The following TRIM55 variants were observed in gnomAD, a reference collection of about 807,000 sequenced individuals.
TRIM55 encodes the protein tripartite motif-containing protein 55.
TRIM55 carries 50 observed loss-of-function variants against 60.9 expected under a neutral mutation model. The ratio of observed to expected loss-of-function variants is 0.82; its 90% CI spans 0.65 to 1.04. The LOEUF is 1.04. Ranked by LOEUF, TRIM55 falls within the 50% of genes least tolerant of loss-of-function variation. TRIM55 has a pLI of 0.00. For missense variants in TRIM55, 681 were observed against 666.9 expected, an observed-to-expected ratio of 1.02 and a Z score of -0.23; for synonymous variants, 237 against 238.1, an observed-to-expected ratio of 1.00 and a Z score of 0.04.
intron 8 of TRIM55, 43 bp from the exon 9 acceptor site, chr8:66,154,000 CTTCT>C (rs746087599): frequency 1.2e-5 from 19 of 1,531,368 alleles, no homozygotes; most frequent in South Asian, 2.5e-5. Flanking sequence ...TCTTCTTCTT[CTTCT>C]TTTTTTTTTT....
chr8:66,122,498 G>A (rs955218796), upstream of TRIM55, among the ~76,000 whole-genome samples: 7 of 152,026 alleles, frequency 4.6e-5, no homozygotes, highest in Admixed American at 6.5e-5. Context: ...GGCACACGTC[G>A]TTAGAACCTC....
rs1180935272 is a variant in TRIM55 at position 66,147,794 on chromosome 8, C to CAA, written c.604-1829_604-1828dup. Among the ~76,000 whole-genome samples, 193 of 42,828 alleles carry CAA rather than the reference C, an allele frequency of 4.5e-3. 1 individual carries two copies. The highest frequency in any genetic ancestry group is 5.7e-3 in the Non-Finnish European group (110 of 19,454). The allele number at this position is 42,828 out of a possible 152,430, so 28.1% of individuals were successfully genotyped here. ...TGGGTGACAGAGCATGACTCCATCT[C>CAA]AAAAAAAAAAAAAAAAAAAAAAACC... On this transcript the variant is annotated intron_variant, in intron 4 of 9. Coordinates refer to ENST00000315962, the MANE Select transcript of TRIM55 (RefSeq NM_184085.2).
chr8:66,174,731 C>T lies in TRIM55; in HGVS notation c.*138C>T, dbSNP rs1054108. 1.1e-6 allele frequency: 1 copy of T among 877,798 alleles called. No individual in the cohort carries two copies. The highest frequency in any genetic ancestry group is 1.6e-6 in the Non-Finnish European group (1 of 623,064). 54.4% of individuals were successfully genotyped at this position (877,798 alleles called of 1,614,324 possible). ...TTTCTGCAAAAATAGCCCCAAACTG[C>T]AATTCCATATGACTTATCTAACATC... is the stretch of plus-strand genomic sequence containing the variant. On this transcript the variant is annotated 3_prime_UTR_variant, in exon 10 of 10. Coordinates refer to ENST00000315962, the MANE Select transcript of TRIM55 (RefSeq NM_184085.2).
chr8:66,173,887 G>A (rs751880264), intron 9 of TRIM55, among the ~76,000 whole-genome samples: 3 of 151,790 alleles, frequency 2.0e-5, no homozygotes, highest in African/African-American at 7.3e-5. Flanking sequence ...ATATAGATAT[G>A]GTTATTAGAT....
chr8:66,151,594 C>T (rs2128980780), intron 7 of TRIM55, among the ~76,000 whole-genome samples: 1 of 152,272 alleles, frequency 6.6e-6, no homozygotes, highest in South Asian at 2.1e-4. Flanking sequence ...GGCATTCCAG[C>T]ACTTTGGGAG....
In TRIM55 at chr8:66,150,392, A is replaced by C; in HGVS notation, c.911A>C (p.Tyr304Ser). The C allele has an allele frequency of 6.2e-7, 1 of 1,614,222 alleles. No individual in the cohort carries two copies. The highest frequency in any genetic ancestry group is 8.5e-7 in the Non-Finnish European group (1 of 1,180,016). The change falls in exon 7 of 10, where the codon TAT becomes TCT. Residue 304 changes from tyrosine to serine, a missense_variant. Coordinates refer to ENST00000315962, the MANE Select transcript of TRIM55 (RefSeq NM_184085.2). ...AFQMEKIEHGYENMNHFTVNL... is the reference protein window; with the variant it reads ...AFQMEKIEHGSENMNHFTVNL... ...CAGATGGAGAAAATAGAACATGGCT[A>C]TGAGAACATGAACCACTTCACAGTC... is the stretch of plus-strand genomic sequence containing the variant.
At chr8:66,145,854 A>G (rs1250635211) in intron 4 of TRIM55, among the ~76,000 whole-genome samples, 1 of 152,168 alleles carries the variant, frequency 6.6e-6, no homozygotes, top group African/African-American at 2.4e-5. Context: ...CACTTCATAT[A>G]ATTTTTTAAA....
upstream of TRIM55, among the ~76,000 whole-genome samples, chr8:66,126,220 C>G (rs1808812427): frequency 6.6e-6 from 1 of 152,194 alleles, no homozygotes; most frequent in South Asian, 2.1e-4. Context: ...TGGTAACTGT[C>G]CCCCAAGGGA....
At chr8:66,147,189 A>G (rs985350040) in intron 4 of TRIM55, among the ~76,000 whole-genome samples, 1 of 152,216 alleles carries the variant, frequency 6.6e-6, no homozygotes, top group Non-Finnish European at 1.5e-5. Context: ...GAACTATGTT[A>G]ATTCTTTTTT....
intron 2 of TRIM55, among the ~76,000 whole-genome samples, chr8:66,133,177 G>T (rs938986940): frequency 3.9e-5 from 6 of 152,184 alleles, no homozygotes; most frequent in African/African-American, 1.4e-4. Flanking sequence ...TCAGGATGTG[G>T]TCTGGTCTCT....
chr8:66,163,582 G>A (rs965562191), intron 9 of TRIM55, among the ~76,000 whole-genome samples: 10 of 152,204 alleles, frequency 6.6e-5, no homozygotes, highest in African/African-American at 2.4e-4. Flanking sequence ...AAGATTTTCA[G>A]ATATCTTTCT....
At position 66,127,456 on chromosome 8, in the gene TRIM55, G is replaced by A; in HGVS notation, c.168+20G>A. 1 of 1,612,884 alleles carries A rather than the reference G, an allele frequency of 6.2e-7. No individual in the cohort carries two copies. Among genetic ancestry groups the A allele is most frequent in the Non-Finnish European group, 8.5e-7 (1 of 1,179,012 alleles). On this transcript the variant is annotated intron_variant, in intron 1 of 9. Transcript: ENST00000315962. ...TTCCAGGTAGGTTTGTTTGGAATTT[G>A]GTTGAGGGGAGGGGGTGGAAAAGAT... is the stretch of plus-strand genomic sequence containing the variant.
intron 8 of TRIM55, 108 bp downstream of exon 8, chr8:66,152,735 A>G: frequency 7.1e-7 from 1 of 1,406,450 alleles, no homozygotes; most frequent in African/African-American, 1.4e-5. Flanking sequence ...ACTATATGCC[A>G]GACATTCGTA....
intron 3 of TRIM55, 40 bp downstream of exon 3, chr8:66,135,195 TC>T: frequency 6.3e-7 from 1 of 1,591,432 alleles, no homozygotes; most frequent in Non-Finnish European, 8.6e-7. Flanking sequence ...CCCCTCCCCA[TC>T]CCCACACCTT....
chr8:66,118,302 A>G, the TRIM55 span, among the ~76,000 whole-genome samples: 5 of 151,446 alleles, frequency 3.3e-5, no homozygotes, highest in African/African-American at 1.2e-4. Context: ...AGGAGTGATT[A>G]TCAAATGAAC....
intron 9 of TRIM55, among the ~76,000 whole-genome samples, chr8:66,166,386 T>C (rs1811332574): frequency 6.6e-6 from 1 of 152,196 alleles, no homozygotes; most frequent in Admixed American, 6.5e-5. Flanking sequence ...CTTCCTGTGT[T>C]TTCAAATTGT....
At chr8:66,159,695 C>G (rs2128983740) in intron 9 of TRIM55, among the ~76,000 whole-genome samples, 2 of 152,292 alleles carry the variant, frequency 1.3e-5, no homozygotes, top group South Asian at 4.1e-4. Flanking sequence ...GTTCTACCAG[C>G]TCATGGTATT....
chr8:66,141,007 C>T lies in TRIM55; in HGVS notation c.603+3817C>T, dbSNP rs182709067. 2.6e-5 allele frequency among the ~76,000 whole-genome samples: 4 copies of T among 152,262 alleles called. No individual in the cohort carries two copies. In the East Asian group the frequency reaches 7.7e-4, roughly 29 times the overall value. ...TCCCCGCCTGGGGCACTGACACCTG[C>T]CCCAGAGCCCTTTGGTGGCTGTGCT... On this transcript the variant is annotated intron_variant, in intron 4 of 9. Transcript: ENST00000315962.
intron 4 of TRIM55, among the ~76,000 whole-genome samples, chr8:66,137,417 T>C (rs972628882): frequency 2.6e-5 from 4 of 152,214 alleles, no homozygotes; most frequent in Non-Finnish European, 4.4e-5. Context: ...GCTGTTGCTG[T>C]ATGTGTTGTT....
Sources: allele counts gnomAD v4.1 joint callset (sites outside exome capture counted in the v4.1 genomes callset), GRCh38; gene constraint gnomAD v4.1.1; transcripts MANE v1.5; gene names NCBI Gene and HGNC (gene_info 2026-07-23, HGNC 2026-07-21).